CHRM3: variants seen among roughly 807,000 people sequenced by gnomAD.
CHRM3 encodes cholinergic receptor muscarinic 3.
In CHRM3, 11 loss-of-function variants were observed where a neutral mutation model predicts 41.8. The observed-to-expected ratio is 0.26, with a 90% CI of 0.17 to 0.44. CHRM3 has a LOEUF of 0.44. Ranked by LOEUF, CHRM3 falls within the 20% of genes least tolerant of loss-of-function variation. The pLI, the probability that CHRM3 is intolerant of heterozygous loss-of-function variation, is 1.00. For synonymous variants in CHRM3, 297 were observed against 301.4 expected (o/e 0.99, Z 0.15); for missense variants, 571 against 745.4 (o/e 0.77, Z 2.72).
chr1:239,504,871 A>G (rs1057278602), intron 2 of CHRM3, among the ~76,000 whole-genome samples: 1 of 152,110 alleles, frequency 6.6e-6, no homozygotes, highest in Non-Finnish European at 1.5e-5. Flanking sequence ...ATGAGGATGC[A>G]AAGGCATAAG....
chr1:239,443,272 C>T (rs1663867292), intron 1 of CHRM3, among the ~76,000 whole-genome samples: 2 of 152,154 alleles, frequency 1.3e-5, no homozygotes, highest in Admixed American at 1.3e-4. Flanking sequence ...GAGGAATAAT[C>T]TGATGATTGT....
At chr1:239,791,804 A>G (rs1669374441) in intron 5 of CHRM3, among the ~76,000 whole-genome samples, 1 of 152,212 alleles carries the variant, frequency 6.6e-6, no homozygotes, top group Non-Finnish European at 1.5e-5. Context: ...TTGTATAAAG[A>G]GATGGGCTTG....
Position 239,910,773 on chromosome 1 carries a change from A to T in CHRM3, c.*1549A>T, listed in dbSNP as rs949484640. On this transcript the variant is annotated 3_prime_UTR_variant, in exon 7 of 7. Coordinates refer to ENST00000676153, the MANE Select transcript of CHRM3 (RefSeq NM_001375978.1). ...GGAGGGAGGTGGGAGGGCCGCGGAG[A>T]TATCTTCCCTTTGTACAGGGCATTC... 1.8e-5 allele frequency: 3 copies of T among 166,448 alleles called. No individual in the cohort carries two copies. Among genetic ancestry groups the T allele is most frequent in the Non-Finnish European group, 4.4e-5 (3 of 68,024 alleles). The allele number at this position is 166,448 out of a possible 1,614,324, so 10.3% of individuals were successfully genotyped here.
intron 3 of CHRM3, among the ~76,000 whole-genome samples, chr1:239,562,166 G>C (rs1477516455): frequency 6.6e-6 from 1 of 152,142 alleles, no homozygotes; most frequent in Non-Finnish European, 1.5e-5. Flanking sequence ...AATCATTTCT[G>C]ATCAGTCCGT....
rs1187676919 is a variant in CHRM3, at chr1:239,404,724, A to ATAT, written c.-521+17498_-521+17500dup. ...AATGTATCATGCTATATCTAAATAT[A>ATAT]TATATATATATATATATATATATAT... On this transcript the variant is annotated intron_variant, in intron 1 of 6. Transcript: ENST00000676153. 1.9e-4 allele frequency among the ~76,000 whole-genome samples: 12 copies of ATAT among 63,712 alleles called. 1 individual carries two copies. Among genetic ancestry groups the ATAT allele is most frequent in the African/African-American group, 6.7e-4 (12 of 18,038 alleles). The allele number at this position is 63,712 out of a possible 152,430, so 41.8% of individuals were successfully genotyped here.
At chr1:239,535,449 A>C (rs1658102204) in intron 2 of CHRM3, among the ~76,000 whole-genome samples, 1 of 149,980 alleles carries the variant, frequency 6.7e-6, no homozygotes, top group Non-Finnish European at 1.5e-5. Flanking sequence ...AGTCTTACTT[A>C]AGATGCCTTT....
intron 1 of CHRM3, among the ~76,000 whole-genome samples, chr1:239,427,991 T>A (rs1288678949): frequency 1.3e-5 from 2 of 152,080 alleles, no homozygotes; most frequent in African/African-American, 4.8e-5. Flanking sequence ...CAGGAACGAG[T>A]TTGCAAACCT....
Position 239,913,349 on chromosome 1 carries a change from TA to T in CHRM3, c.*4126del, listed in dbSNP as rs1680468724. The T allele has an allele frequency of 6.2e-6, 1 of 160,704 alleles. No homozygotes were observed. Among genetic ancestry groups the T allele is most frequent in the South Asian group, 2.1e-4 (1 of 4,782 alleles). 10.0% of individuals were successfully genotyped at this position (160,704 alleles called of 1,614,324 possible). A position where few individuals can be genotyped will look rare whatever the true frequency, so the allele number is the denominator to read the frequency against. On this transcript the variant is annotated 3_prime_UTR_variant, in exon 7 of 7. Transcript: ENST00000676153. ...TGTATAGATTACAACACTCCAAAGT[TA>T]TTTTTTTTTAACCTAAAGAACCCTA...
chr1:239,452,065 G>A (rs6666589), intron 1 of CHRM3, among the ~76,000 whole-genome samples: 7,035 of 151,964 alleles, frequency 0.046, 259 homozygotes, highest in African/African-American at 0.1. Flanking sequence ...TTCCTTTCTT[G>A]TAACTATGTA....
intron 3 of CHRM3, among the ~76,000 whole-genome samples, chr1:239,618,688 C>CAA (rs1174436264): frequency 6.6e-6 from 1 of 150,480 alleles, no homozygotes; most frequent in Non-Finnish European, 1.5e-5. Context: ...ACTAAAAATA[C>CAA]AAAAAATTAG....
rs963204767 is a variant in CHRM3 at position 239,910,135 on chromosome 1, TG to T, written c.*912del. 14 of 167,118 alleles carry T rather than the reference TG, an allele frequency of 8.4e-5. No individual in the cohort carries two copies. Among genetic ancestry groups the T allele is most frequent in the African/African-American group, 3.1e-4 (13 of 41,552 alleles). The allele number at this position is 167,118 out of a possible 1,614,324, so 10.4% of individuals were successfully genotyped here. ...AGACTTGGTGTTAAGCAACCTCCTTTGTTGATGTCTCAACAGAGCTAAATCG... is the reference window on the plus strand; with the variant it reads ...AGACTTGGTGTTAAGCAACCTCCTTTTTGATGTCTCAACAGAGCTAAATCG... On this transcript the variant is annotated 3_prime_UTR_variant, in exon 7 of 7. Coordinates refer to ENST00000676153, the MANE Select transcript of CHRM3 (RefSeq NM_001375978.1).
rs144305244 is a variant in CHRM3, at chr1:239,695,303, C to T, written c.-147+17015C>T. Among the ~76,000 whole-genome samples the T allele has an allele frequency of 7.5e-4, 114 of 152,254 alleles. 1 individual carries two copies. The highest frequency in any genetic ancestry group is 2.6e-3 in the African/African-American group (110 of 41,540). Reference sequence around the variant, plus strand: ...GGGATTACAGGTGTGAGCCACTGTGCCCGGCCATACAATTTTTATACAGAA... The same window carrying T: ...GGGATTACAGGTGTGAGCCACTGTGTCCGGCCATACAATTTTTATACAGAA... On this transcript the variant is annotated intron_variant, in intron 5 of 6. Transcript: ENST00000676153.
At chr1:239,684,277 G>C (rs1161377474) in intron 5 of CHRM3, among the ~76,000 whole-genome samples, 1 of 152,096 alleles carries the variant, frequency 6.6e-6, no homozygotes, top group Non-Finnish European at 1.5e-5. Context: ...TATTGATGCA[G>C]ACTTTCTGGC....
chr1:239,881,238 C>A (rs10926000), intron 6 of CHRM3, among the ~76,000 whole-genome samples: 4 of 140,180 alleles, frequency 2.9e-5, no homozygotes, highest in Non-Finnish European at 4.6e-5. Flanking sequence ...AGCCGAGATC[C>A]CGCCCCTGCA....
At position 239,910,745 on chromosome 1, in the gene CHRM3, A is replaced by C; in HGVS notation, c.*1521A>C. On this transcript the variant is annotated 3_prime_UTR_variant, in exon 7 of 7. Coordinates refer to ENST00000676153, the MANE Select transcript of CHRM3 (RefSeq NM_001375978.1). ...TTGCCGGGGCTGTTTGGGGAGAGGG[A>C]GGGGAGGGAGGTGGGAGGGCCGCGG... 1.0e-5 allele frequency: 1 copy of C among 95,474 alleles called. No homozygotes were observed. Among genetic ancestry groups the C allele is most frequent in the African/African-American group, 4.9e-5 (1 of 20,602 alleles). The allele number at this position is 95,474 out of a possible 1,614,324, so 5.9% of individuals were successfully genotyped here.
intron 6 of CHRM3, among the ~76,000 whole-genome samples, chr1:239,881,704 T>TTA (rs776693325): frequency 6.6e-6 from 1 of 152,154 alleles, no homozygotes; most frequent in Non-Finnish European, 1.5e-5. Flanking sequence ...TTCTTTGAGC[T>TTA]TGAGTTTCAC....
intron 5 of CHRM3, among the ~76,000 whole-genome samples, chr1:239,797,610 G>C (rs1012840588): frequency 1.3e-5 from 2 of 152,034 alleles, no homozygotes; most frequent in African/African-American, 4.8e-5. Flanking sequence ...TTCCCCATCG[G>C]GTCTATTTCC....
At chr1:239,649,014 A>T (rs1672004135) in intron 4 of CHRM3, among the ~76,000 whole-genome samples, 1 of 152,336 alleles carries the variant, frequency 6.6e-6, no homozygotes, top group African/African-American at 2.4e-5. Context: ...AGTGTCACAT[A>T]TAATAGTGTA....
intron 1 of CHRM3, among the ~76,000 whole-genome samples, chr1:239,457,984 T>C (rs1665077091): frequency 6.6e-6 from 1 of 152,210 alleles, no homozygotes; most frequent in South Asian, 2.1e-4. Flanking sequence ...GGGCTTCAAT[T>C]CAGTCTCAGT....
Sources: gnomAD v4.1 joint callset for allele counts (sites outside exome capture counted in the v4.1 genomes callset) on GRCh38, gnomAD v4.1.1 for gene constraint, MANE v1.5 for transcripts, NCBI Gene and HGNC (gene_info 2026-07-23, HGNC 2026-07-21) for gene names.